Variants in GRHL2 observed in about 807,000 individuals in gnomAD.
GRHL2 encodes grainyhead-like protein 2 homolog.
A neutral mutation model predicts 83.8 loss-of-function variants in GRHL2; 21 were observed. The observed-to-expected ratio is 0.25, with a 90% CI of 0.18 to 0.36. GRHL2 has a LOEUF of 0.36. Ranked by LOEUF, GRHL2 falls within the 10% of genes least tolerant of loss-of-function variation. GRHL2 has a pLI of 1.00. For synonymous variants in GRHL2, 280 were observed against 278.9 expected (o/e 1.00, Z -0.04); for missense variants, 623 against 781.8 (o/e 0.80, Z 2.42).
the GRHL2 span, among the ~76,000 whole-genome samples, chr8:101,675,237 G>C: frequency 1.3e-5 from 2 of 152,032 alleles, no homozygotes; most frequent in Non-Finnish European, 2.9e-5. Context: ...GGAAATGAAG[G>C]CTATTCAATT....
At chr8:101,653,325 C>T (rs1469662383) in intron 14 of GRHL2, among the ~76,000 whole-genome samples, 2 of 152,150 alleles carry the variant, frequency 1.3e-5, no homozygotes, top group Non-Finnish European at 2.9e-5. Context: ...AAAACCTTAA[C>T]TTTTAAGAAA....
At chr8:101,521,778 TA>T (rs1253021392) in intron 1 of GRHL2, among the ~76,000 whole-genome samples, 3 of 152,054 alleles carry the variant, frequency 2.0e-5, no homozygotes, top group South Asian at 2.1e-4. Context: ...GGGCCGATTA[TA>T]AAAAAAAGTT....
At chr8:101,680,121 A>G in the GRHL2 span, among the ~76,000 whole-genome samples, 2 of 119,136 alleles carry the variant, frequency 1.7e-5, no homozygotes, top group Non-Finnish European at 3.5e-5. Flanking sequence ...ATTAAAAGAC[A>G]CAGACTGGCA....
chr8:101,640,009 T>C (rs548109835), intron 12 of GRHL2, among the ~76,000 whole-genome samples: 11 of 152,358 alleles, frequency 7.2e-5, no homozygotes, highest in African/African-American at 2.4e-4. Flanking sequence ...CATGCAGATG[T>C]GTTGACTTCT....
chr8:101,522,701 C>G (rs1195695278), intron 1 of GRHL2, among the ~76,000 whole-genome samples: 2 of 123,742 alleles, frequency 1.6e-5, no homozygotes, highest in Non-Finnish European at 3.5e-5. Context: ...CATTGCCAAG[C>G]CTTACAAATA....
At chr8:101,603,199 T>C (rs5023182) in intron 8 of GRHL2, among the ~76,000 whole-genome samples, 77,080 of 151,634 alleles carry the variant, frequency 0.51, 21,454 homozygotes, top group African/African-American at 0.74. Flanking sequence ...TCTTTGAAGC[T>C]GGCCATATCA....
At chr8:101,619,789 G>A (rs1427681420) in intron 9 of GRHL2, 92 bp downstream of exon 9, 3 of 968,700 alleles carry the variant, frequency 3.1e-6, no homozygotes, top group African/African-American at 3.3e-5. Context: ...TGCTTGTCTA[G>A]TGGTGTCAAA....
At chr8:101,509,147 TTCCTTCCTTC>T (rs1563556106) in intron 1 of GRHL2, among the ~76,000 whole-genome samples, 23 of 84,402 alleles carry the variant, frequency 2.7e-4, no homozygotes, top group African/African-American at 6.3e-4. Context: ...CCTTCCTTCC[TTCCTTCCTTC>T]CTTTCTTTCT....
chr8:101,593,847 C>T (rs1022323106), intron 7 of GRHL2, among the ~76,000 whole-genome samples: 2 of 151,858 alleles, frequency 1.3e-5, no homozygotes, highest in Admixed American at 1.3e-4. Flanking sequence ...AGGTGGATCA[C>T]CTGAGGTCAG....
intron 11 of GRHL2, 63 bp downstream of exon 11, chr8:101,632,428 AG>A (rs1813205126): frequency 6.3e-7 from 1 of 1,595,208 alleles, no homozygotes; most frequent in Non-Finnish European, 8.6e-7. Flanking sequence ...GCTTTAAGAT[AG>A]AAGCATTTCA....
At chr8:101,611,734 A>T (rs1202427265) in intron 8 of GRHL2, among the ~76,000 whole-genome samples, 1 of 150,802 alleles carries the variant, frequency 6.6e-6, no homozygotes, top group Non-Finnish European at 1.5e-5. Flanking sequence ...AGAGATGCAC[A>T]CTTGGCCTCA....
chr8:101,636,969 C>G (rs1449878691), intron 12 of GRHL2, 41 bp downstream of exon 12: 1 of 1,585,972 alleles, frequency 6.3e-7, no homozygotes, highest in African/African-American at 1.3e-5. Context: ...TCCAAGTCAG[C>G]TCATGTCAGT....
At chr8:101,568,917 T>C (rs1430649769) in intron 4 of GRHL2, among the ~76,000 whole-genome samples, 1 of 152,192 alleles carries the variant, frequency 6.6e-6, no homozygotes, top group Non-Finnish European at 1.5e-5. Flanking sequence ...CATAAATATG[T>C]ATGGAAACTG....
chr8:101,543,489 G>A (rs1306869721), intron 2 of GRHL2, 53 bp downstream of exon 2: 2 of 1,525,876 alleles, frequency 1.3e-6, no homozygotes, highest in South Asian at 2.3e-5. Context: ...ACAACCCTTT[G>A]CTGGTGGGAA....
chr8:101,605,606 C>A (rs916165997), intron 8 of GRHL2, among the ~76,000 whole-genome samples: 2 of 152,198 alleles, frequency 1.3e-5, no homozygotes, highest in Non-Finnish European at 2.9e-5. Context: ...CAAAGATGGG[C>A]CTGCTGGTGC....
At chr8:101,525,895 A>C (rs1810793779) in intron 1 of GRHL2, among the ~76,000 whole-genome samples, 1 of 152,208 alleles carries the variant, frequency 6.6e-6, no homozygotes, top group African/African-American at 2.4e-5. Flanking sequence ...TGAACCCAGG[A>C]GGTGGAGGTT....
In GRHL2 at chr8:101,605,117, A is replaced by G. The variant is rs184752239; in HGVS notation, c.1098+5966A>G. Among the ~76,000 whole-genome samples, 1,067 of 152,328 alleles carry G rather than the reference A, an allele frequency of 7.0e-3. 3 individuals are homozygous for G. Among genetic ancestry groups the G allele is most frequent in the Non-Finnish European group, 9.5e-3 (649 of 68,030 alleles). Reference sequence around the variant, plus strand: ...AGACAGGAAGTTGTTGCAGTTTTAGAAAGGGCCAAGGACACAAGTAAGGCA... The same window carrying G: ...AGACAGGAAGTTGTTGCAGTTTTAGGAAGGGCCAAGGACACAAGTAAGGCA... On this transcript the variant is annotated intron_variant, in intron 8 of 15. Transcript: ENST00000646743.
chr8:101,492,961 G>T, intron 1 of GRHL2, 172 bp downstream of exon 1: 1 of 685,842 alleles, frequency 1.5e-6, no homozygotes. Flanking sequence ...CCTGATTAAG[G>T]GGAGAAACCC....
intron 8 of GRHL2, among the ~76,000 whole-genome samples, chr8:101,614,609 AC>A (rs1318006386): frequency 2.6e-5 from 4 of 152,180 alleles, no homozygotes. Flanking sequence ...AGGAAATTAT[AC>A]CTTTTCCTTA....
Sources: gnomAD v4.1 joint callset for allele counts (sites outside exome capture counted in the v4.1 genomes callset) on GRCh38, gnomAD v4.1.1 for gene constraint, MANE v1.5 for transcripts, NCBI Gene and HGNC (gene_info 2026-07-23, HGNC 2026-07-21) for gene names.